RABGAP1: variants seen among roughly 807,000 people sequenced by gnomAD.
RABGAP1 encodes RAB GTPase activating protein 1.
A neutral mutation model predicts 137.6 loss-of-function variants in RABGAP1; 23 were observed. The observed-to-expected ratio is 0.17, with a 90% confidence interval of 0.12 to 0.24. The LOEUF (loss-of-function observed/expected upper bound fraction) is 0.24. RABGAP1 is among the 10% of genes least tolerant of loss of function. The pLI is 1.00. For missense variants in RABGAP1, 906 were observed against 1,275.8 expected, an observed-to-expected ratio of 0.71 and a Z score of 4.42; for synonymous variants, 451 against 450.7, an observed-to-expected ratio of 1.00 and a Z score of -0.01.
At chr9:122,991,796 G>A (rs1247780277) in intron 6 of RABGAP1, among the ~76,000 whole-genome samples, 1 of 151,612 alleles carries the variant, frequency 6.6e-6, no homozygotes, top group East Asian at 1.9e-4. Context: ...TCTAGAGATG[G>A]GGTCTTGCCA....
intron 11 of RABGAP1, among the ~76,000 whole-genome samples, chr9:123,012,047 A>G (rs2030857631): frequency 6.6e-6 from 1 of 152,230 alleles, no homozygotes; most frequent in Non-Finnish European, 1.5e-5. Context: ...CAGAGTCAGG[A>G]TTTGGATCTA....
rs200520841 is a variant in RABGAP1 at position 122,996,332 on chromosome 9, T to TA, written c.1034+182dup. 1.5e-3 allele frequency: 1,769 copies of TA among 1,214,296 alleles called. 41 individuals are homozygous for TA. In the East Asian group the frequency reaches 0.042, roughly 29 times the overall value. 75.2% of individuals were successfully genotyped at this position (1,214,296 alleles called of 1,614,324 possible). On this transcript the variant is annotated intron_variant, in intron 7 of 25. Coordinates refer to ENST00000373647, the MANE Select transcript of RABGAP1 (RefSeq NM_012197.4). Reference sequence around the variant, plus strand: ...ATAGCTACTATAAATAATCAGCTAATACGCTCTCTTCAACTATGTGGTAAT... The same window carrying TA: ...ATAGCTACTATAAATAATCAGCTAATAACGCTCTCTTCAACTATGTGGTAAT...
intron 13 of RABGAP1, among the ~76,000 whole-genome samples, chr9:123,037,476 A>G (rs1564151589): frequency 6.6e-6 from 1 of 152,210 alleles, no homozygotes; most frequent in Non-Finnish European, 1.5e-5. Context: ...TGGCTTGGTT[A>G]AATTGCCATT....
chr9:123,086,614 CA>C (rs2132199128), intron 19 of RABGAP1, among the ~76,000 whole-genome samples: 1 of 133,664 alleles, frequency 7.5e-6, no homozygotes, highest in Non-Finnish European at 1.5e-5. Flanking sequence ...ACCCATGCTG[CA>C]AAAGTCAGCA....
At chr9:122,957,854 A>G (rs1226614531) in intron 2 of RABGAP1, among the ~76,000 whole-genome samples, 1 of 151,990 alleles carries the variant, frequency 6.6e-6, no homozygotes. Flanking sequence ...CAACACAGGC[A>G]AAACTCCCTG....
intron 2 of RABGAP1, among the ~76,000 whole-genome samples, chr9:122,967,756 T>C (rs1185990682): frequency 6.6e-6 from 1 of 152,164 alleles, no homozygotes; most frequent in East Asian, 1.9e-4. Flanking sequence ...ATTTTTTTTT[T>C]TTTAGACAAG....
intron 10 of RABGAP1, among the ~76,000 whole-genome samples, chr9:123,002,527 A>G (rs974125984): frequency 6.6e-6 from 1 of 151,592 alleles, no homozygotes; most frequent in Non-Finnish European, 1.5e-5. Flanking sequence ...TTTGACATCT[A>G]ATGTTATACA....
intron 1 of RABGAP1, among the ~76,000 whole-genome samples, chr9:122,948,561 A>G (rs1164765033): frequency 6.6e-6 from 1 of 152,202 alleles, no homozygotes; most frequent in Non-Finnish European, 1.5e-5. Flanking sequence ...TCAAGAAGTA[A>G]TAAGTATTGT....
At chr9:123,013,924 A>G (rs1405623435) in intron 11 of RABGAP1, among the ~76,000 whole-genome samples, 1 of 152,326 alleles carries the variant, frequency 6.6e-6, no homozygotes, top group South Asian at 2.1e-4. Flanking sequence ...TAGAAAGAGC[A>G]TTGGTAAAGA....
intron 13 of RABGAP1, among the ~76,000 whole-genome samples, chr9:123,064,398 A>T (rs1162359222): frequency 2.0e-5 from 3 of 152,280 alleles, no homozygotes; most frequent in Non-Finnish European, 4.4e-5. Context: ...CAGATCCCAC[A>T]ACTATAAAAT....
rs10985889 is a variant in RABGAP1, at chr9:123,098,999, C to G, written c.2817+201C>G. 1.3e-3 allele frequency among the ~76,000 whole-genome samples: 196 copies of G among 152,086 alleles called. 4 individuals carry two copies. The East Asian group carries it at 0.036, about 28-fold the overall frequency. ...TCATCCCTGCCTAGGAAGGTTGTTA[C>G]GAGGATTTAAAAAGACCATGTTTGT... On this transcript the variant is annotated intron_variant, in intron 23 of 25. Transcript: ENST00000373647.
chr9:122,972,857 C>T (rs542027642), intron 2 of RABGAP1, among the ~76,000 whole-genome samples: 4 of 151,828 alleles, frequency 2.6e-5, no homozygotes, highest in Middle Eastern at 3.4e-3. Context: ...AAGGTATGGC[C>T]GGGCGTGATG....
At chr9:122,998,908 A>G (rs1482005695) in intron 10 of RABGAP1, 142 bp downstream of exon 10, 1 of 495,192 alleles carries the variant, frequency 2.0e-6, no homozygotes, top group Non-Finnish European at 3.3e-6. Flanking sequence ...TTTCATATTT[A>G]CCCACCTACT....
At chr9:123,063,152 ATGAT>A (rs1168020101) in intron 13 of RABGAP1, 1 of 152,430 alleles carries the variant, frequency 6.6e-6, no homozygotes, top group African/African-American at 2.4e-5. Flanking sequence ...TCAGTGTGAT[ATGAT>A]TGATGTAACT....
chr9:123,021,291 T>C (rs2077103), intron 13 of RABGAP1, among the ~76,000 whole-genome samples: 10,961 of 141,800 alleles, frequency 0.077, 1,478 homozygotes, highest in East Asian at 0.6. Context: ...AAAGCTGTTA[T>C]TTAAAAAAAA....
At position 123,103,427 on chromosome 9, in the gene RABGAP1, C is replaced by A; in HGVS notation, c.*214C>A. The stretch of plus-strand genomic sequence containing the variant: ...CTAACAGGCCTGCTAGCTCAGCCGA[C>A]GCTCTGGACACTCTAGAAATCACTC... On this transcript the variant is annotated 3_prime_UTR_variant, in exon 26 of 26. Transcript: ENST00000373647. 1 of 565,560 alleles carries A rather than the reference C, an allele frequency of 1.8e-6. No individual in the cohort carries two copies. The highest frequency in any genetic ancestry group is 2.2e-5 in the South Asian group (1 of 45,962). The allele number at this position is 565,560 out of a possible 1,614,324, so 35.0% of individuals were successfully genotyped here.
intron 2 of RABGAP1, among the ~76,000 whole-genome samples, chr9:122,982,762 C>CGTGG (rs1240234183): frequency 1.3e-5 from 2 of 152,038 alleles, no homozygotes; most frequent in African/African-American, 4.8e-5. Context: ...TTAAGCTGGG[C>CGTGG]GTGGTGGCAC....
intron 2 of RABGAP1, among the ~76,000 whole-genome samples, chr9:122,967,224 T>G (rs1301814848): frequency 1.3e-5 from 2 of 152,160 alleles, no homozygotes; most frequent in African/African-American, 4.8e-5. Flanking sequence ...AATAATGGGT[T>G]TTTTTGGAGA....
chr9:123,044,410 A>G (rs918491395), intron 13 of RABGAP1, among the ~76,000 whole-genome samples: 4 of 152,190 alleles, frequency 2.6e-5, no homozygotes, highest in Non-Finnish European at 4.4e-5. Context: ...AAGTATAGGC[A>G]AAGTTAATAT....
Sources: gnomAD v4.1 joint callset for allele counts (sites outside exome capture counted in the v4.1 genomes callset) on GRCh38, gnomAD v4.1.1 for gene constraint, MANE v1.5 for transcripts, NCBI Gene and HGNC (gene_info 2026-07-23, HGNC 2026-07-21) for gene names.